MIPOL1: variants seen among roughly 807,000 people sequenced by gnomAD.
The protein encoded by MIPOL1 is mirror-image polydactyly 1.
A neutral mutation model predicts 60.9 loss-of-function variants in MIPOL1; 57 were observed. That is an observed-to-expected ratio of 0.94 (90% confidence interval 0.76 to 1.17). The LOEUF (loss-of-function observed/expected upper bound fraction) is 1.17. Ranked by LOEUF, MIPOL1 falls within the 50% of genes most tolerant of loss-of-function variation. The pLI, the probability that MIPOL1 is intolerant of heterozygous loss-of-function variation, is 0.00. For missense variants in MIPOL1, 551 were observed against 511.6 expected, an observed-to-expected ratio of 1.08 and a Z score of -0.74; for synonymous variants, 179 against 168.8, an observed-to-expected ratio of 1.06 and a Z score of -0.47.
chr14:37,275,237 A>C (rs2153397657), intron 6 of MIPOL1, among the ~76,000 whole-genome samples: 1 of 151,316 alleles, frequency 6.6e-6, no homozygotes, highest in South Asian at 2.1e-4. Flanking sequence ...TAGCTGTTTA[A>C]GACTTTTTAC....
chr14:37,359,825 C>G (rs868251697), intron 9 of MIPOL1, among the ~76,000 whole-genome samples: 3 of 152,074 alleles, frequency 2.0e-5, no homozygotes, highest in Admixed American at 6.6e-5. Flanking sequence ...TTCTCTTGCC[C>G]GATTGCCCTG....
intron 9 of MIPOL1, among the ~76,000 whole-genome samples, chr14:37,368,358 A>ATTC (rs2092542202): frequency 6.6e-6 from 1 of 151,436 alleles, no homozygotes; most frequent in Admixed American, 6.6e-5. Flanking sequence ...CATTTTGTAT[A>ATTC]CTCAAAGTTG....
intron 6 of MIPOL1, among the ~76,000 whole-genome samples, chr14:37,275,672 T>A (rs1047128495): frequency 6.6e-6 from 1 of 151,198 alleles, no homozygotes; most frequent in Non-Finnish European, 1.5e-5. Flanking sequence ...ATGCTTGAAT[T>A]TTACGTAAAA....
At chr14:37,347,574 C>T (rs1414362120) in intron 9 of MIPOL1, among the ~76,000 whole-genome samples, 2 of 152,136 alleles carry the variant, frequency 1.3e-5, no homozygotes, top group Non-Finnish European at 2.9e-5. Flanking sequence ...GATTTTCCAT[C>T]TTTAACAAGC....
intron 11 of MIPOL1, among the ~76,000 whole-genome samples, chr14:37,486,395 G>A (rs1006347706): frequency 6.6e-6 from 1 of 151,718 alleles, no homozygotes; most frequent in Non-Finnish European, 1.5e-5. Context: ...CTTGATAGGA[G>A]CATTGAATCT....
chr14:37,365,433 A>C (rs573955246), intron 9 of MIPOL1, among the ~76,000 whole-genome samples: 1 of 152,292 alleles, frequency 6.6e-6, no homozygotes, highest in East Asian at 1.9e-4. Context: ...GTTAAATTTC[A>C]TCAAATGCAT....
At chr14:37,309,691 T>G (rs2153435168) in intron 9 of MIPOL1, among the ~76,000 whole-genome samples, 1 of 151,128 alleles carries the variant, frequency 6.6e-6, no homozygotes, top group Non-Finnish European at 1.5e-5. Context: ...CTCCAGCATT[T>G]TTTTTTTTTT....
rs150232636 is a variant in MIPOL1 at position 37,312,408 on chromosome 14, C to G, written c.828+3889C>G. Among the ~76,000 whole-genome samples the G allele has an allele frequency of 5.1e-3, 772 of 152,150 alleles. 5 individuals carry two copies. The highest frequency in any genetic ancestry group is 0.017 in the African/African-American group (725 of 41,526). On this transcript the variant is annotated intron_variant, in intron 9 of 12. Coordinates refer to ENST00000684589, the MANE Select transcript of MIPOL1 (RefSeq NM_001388067.1). ...TTACAGTTGTGAGCCACCTGCCCAG[C>G]CTTGATTTTAAAGCTATTATTTAGC...
chr14:37,368,535 A>G (rs1246594862), intron 9 of MIPOL1, among the ~76,000 whole-genome samples: 2 of 152,092 alleles, frequency 1.3e-5, no homozygotes, highest in South Asian at 2.1e-4. Context: ...AATAATCTAG[A>G]AAGAACTTTT....
intron 10 of MIPOL1, among the ~76,000 whole-genome samples, chr14:37,410,830 G>A (rs1475691582): frequency 2.0e-5 from 3 of 151,958 alleles, no homozygotes; most frequent in Non-Finnish European, 4.4e-5. Flanking sequence ...TGAATGTATG[G>A]CATTCAGAAG....
At chr14:37,521,885 G>GGA (rs754408383) in intron 12 of MIPOL1, among the ~76,000 whole-genome samples, 2 of 130,354 alleles carry the variant, frequency 1.5e-5, no homozygotes, top group Admixed American at 8.1e-5. Context: ...TTTATCTAAA[G>GGA]AAAAAAAAAT....
At chr14:37,293,260 T>C (rs189181862) in intron 7 of MIPOL1, among the ~76,000 whole-genome samples, 150 of 152,256 alleles carry the variant, frequency 9.9e-4, no homozygotes, top group Non-Finnish European at 2.5e-4. Context: ...ACCTGTTTCA[T>C]AGGTAATCTA....
intron 9 of MIPOL1, among the ~76,000 whole-genome samples, chr14:37,315,214 G>A (rs1034776056): frequency 6.6e-6 from 1 of 152,162 alleles, no homozygotes; most frequent in Non-Finnish European, 1.5e-5. Context: ...TATGGAAAGA[G>A]CATTCCATTA....
intron 11 of MIPOL1, among the ~76,000 whole-genome samples, chr14:37,499,592 A>G (rs2095185024): frequency 6.6e-6 from 1 of 152,182 alleles, no homozygotes; most frequent in Non-Finnish European, 1.5e-5. Context: ...GCCTAGAGAT[A>G]CTTTATTTTC....
At chr14:37,297,462 A>G (rs1329868812) in intron 7 of MIPOL1, among the ~76,000 whole-genome samples, 3 of 152,168 alleles carry the variant, frequency 2.0e-5, no homozygotes, top group Non-Finnish European at 4.4e-5. Flanking sequence ...CAGGGCAATC[A>G]GGCAGGAGAA....
chr14:37,394,321 C>T (rs1469271821), intron 10 of MIPOL1, among the ~76,000 whole-genome samples: 3 of 151,658 alleles, frequency 2.0e-5, no homozygotes, highest in Admixed American at 2.0e-4. Context: ...ACTTTTAGTT[C>T]TTTAAGGAAT....
chr14:37,444,946 A>G lies in MIPOL1; in HGVS notation c.1031+21997A>G, dbSNP rs139338885. The stretch of plus-strand genomic sequence containing the variant: ...TATCTCAAAATAATAAGAGCTATCT[A>G]TGACAAACCCACAGCCAATATCATA... On this transcript the variant is annotated intron_variant, in intron 11 of 12. Transcript: ENST00000684589. Among the ~76,000 whole-genome samples, 321 of 152,328 alleles carry G rather than the reference A, an allele frequency of 2.1e-3. 1 individual carries two copies. Among genetic ancestry groups the G allele is most frequent in the African/African-American group, 7.2e-3 (299 of 41,578 alleles).
At chr14:37,430,133 A>G (rs905682008) in intron 11 of MIPOL1, among the ~76,000 whole-genome samples, 2 of 152,142 alleles carry the variant, frequency 1.3e-5, no homozygotes, top group Admixed American at 6.5e-5. Context: ...TTATGGTACC[A>G]TACTGCAACA....
At chr14:37,341,131 A>T (rs1226313734) in intron 9 of MIPOL1, among the ~76,000 whole-genome samples, 3 of 152,206 alleles carry the variant, frequency 2.0e-5, no homozygotes, top group Non-Finnish European at 4.4e-5. Flanking sequence ...TGCATTTCTC[A>T]TAATGTATCT....
Sources: allele counts gnomAD v4.1 joint callset (sites outside exome capture counted in the v4.1 genomes callset), GRCh38; gene constraint gnomAD v4.1.1; transcripts MANE v1.5; gene names NCBI Gene and HGNC (gene_info 2026-07-23, HGNC 2026-07-21).